Variants in RPS6KA2 observed in about 807,000 individuals in gnomAD.
The protein encoded by RPS6KA2 is ribosomal protein S6 kinase A2, also known as ribosomal protein S6 kinase alpha-2.
In RPS6KA2, 42 loss-of-function variants were observed where a neutral mutation model predicts 91.8. That is an observed-to-expected ratio of 0.46 (90% CI 0.36 to 0.59). The LOEUF is 0.59. Ranked by LOEUF, RPS6KA2 falls within the 20% of genes least tolerant of loss-of-function variation. RPS6KA2 has a pLI of 0.00. For synonymous variants in RPS6KA2, 414 were observed against 393.6 expected, an observed-to-expected ratio of 1.05 and a Z score of -0.61; for missense variants, 798 against 978.5, an observed-to-expected ratio of 0.82 and a Z score of 2.46.
intron 2 of RPS6KA2, among the ~76,000 whole-genome samples, chr6:166,695,564 G>A (rs1243736858): frequency 6.6e-6 from 1 of 152,230 alleles, no homozygotes; most frequent in Non-Finnish European, 1.5e-5. Flanking sequence ...CAGGTCCATG[G>A]CTTGTAGGAA....
chr6:166,486,993 T>A (rs1781436105), intron 10 of RPS6KA2, among the ~76,000 whole-genome samples: 1 of 152,256 alleles, frequency 6.6e-6, no homozygotes. Context: ...GGCTGTGGTG[T>A]GGACGTTTCA....
chr6:166,547,447 G>A (rs927393824), intron 1 of RPS6KA2, among the ~76,000 whole-genome samples: 8 of 152,252 alleles, frequency 5.3e-5, no homozygotes, highest in African/African-American at 1.4e-4. Context: ...CTGAGTGCCC[G>A]CTCTCCGGCA....
rs908226729 is a variant in RPS6KA2, at chr6:166,418,160, C to T, written c.1938+65G>A. 5 of 1,115,154 alleles carry T rather than the reference C, an allele frequency of 4.5e-6. No homozygotes were observed. Among genetic ancestry groups the T allele is most frequent in the Non-Finnish European group, 5.4e-6 (4 of 745,228 alleles). The allele number at this position is 1,115,154 out of a possible 1,614,324, so 69.1% of individuals were successfully genotyped here. On this transcript the variant is annotated intron_variant, in intron 19 of 20. Coordinates refer to ENST00000265678, the MANE Select transcript of RPS6KA2 (RefSeq NM_021135.6). The surrounding 1 kb of genome is among the most constrained non-coding windows in gnomAD (Gnocchi z 4.9). The stretch of plus-strand genomic sequence containing the variant: ...TACATAAAACCTATCCCCTGGCTTC[C>T]TCAGAAATCATATGGCTATTTCAGA...
intron 1 of RPS6KA2, among the ~76,000 whole-genome samples, chr6:166,541,810 A>G (rs1783665233): frequency 6.6e-6 from 1 of 152,228 alleles, no homozygotes; most frequent in Admixed American, 6.5e-5. Context: ...CTGTCAAAGT[A>G]TTGAGAGCAA....
chr6:166,707,958 G>A (rs112110657), intron 2 of RPS6KA2, among the ~76,000 whole-genome samples: 14 of 152,156 alleles, frequency 9.2e-5, no homozygotes, highest in Non-Finnish European at 1.0e-4. Context: ...TGCCTAGGCC[G>A]GTCTTGAACT....
chr6:166,850,592 G>C (rs1348662339), intron 2 of RPS6KA2, among the ~76,000 whole-genome samples: 1 of 152,216 alleles, frequency 6.6e-6, no homozygotes, highest in Non-Finnish European at 1.5e-5. Context: ...AAAGAGAGGA[G>C]AAAGGGTCTC....
chr6:166,554,107 T>G lies in RPS6KA2; in HGVS notation c.100-15323A>C, dbSNP rs1339166698. Among the ~76,000 whole-genome samples, 1 of 152,246 alleles carries G rather than the reference T, an allele frequency of 6.6e-6. No homozygotes were observed. Among genetic ancestry groups the G allele is most frequent in the African/African-American group, 2.4e-5 (1 of 41,470 alleles). Reference sequence around the variant, plus strand: ...GGCAAGAACATTTGGAATTTTCTAGTGCAGTTCTTGGTGCTGCCATCACTG... The same window carrying G: ...GGCAAGAACATTTGGAATTTTCTAGGGCAGTTCTTGGTGCTGCCATCACTG... On this transcript the variant is annotated intron_variant, in intron 1 of 20. Transcript: ENST00000265678. This position sits in a 1 kb window ranked among gnomAD's most constrained non-coding sequence, Gnocchi z 4.3.
intron 2 of RPS6KA2, among the ~76,000 whole-genome samples, chr6:166,744,048 G>A (rs183928666): frequency 1.2e-3 from 183 of 151,948 alleles, no homozygotes; most frequent in South Asian, 1.7e-3. Context: ...CATCCCACCC[G>A]TGTCTCAAAT....
At chr6:166,823,663 C>T (rs1333784179) in intron 2 of RPS6KA2, among the ~76,000 whole-genome samples, 1 of 151,814 alleles carries the variant, frequency 6.6e-6, no homozygotes, top group Non-Finnish European at 1.5e-5. Context: ...TAGTGTTATT[C>T]CCTCAACTTC....
At chr6:166,692,585 G>A (rs1384997207) in intron 2 of RPS6KA2, among the ~76,000 whole-genome samples, 1 of 152,010 alleles carries the variant, frequency 6.6e-6, no homozygotes, top group Non-Finnish European at 1.5e-5. Flanking sequence ...AAAATTGGAT[G>A]CTAAAAAAAC....
intron 2 of RPS6KA2, among the ~76,000 whole-genome samples, chr6:166,834,255 G>T (rs946485525): frequency 6.6e-6 from 1 of 152,026 alleles, no homozygotes; most frequent in Non-Finnish European, 1.5e-5. Flanking sequence ...AGTATCTCAC[G>T]GTGGTTTTAA....
chr6:166,414,581 G>A (rs16898909), intron 19 of RPS6KA2, among the ~76,000 whole-genome samples: 15,343 of 152,184 alleles, frequency 0.1, 2,459 homozygotes, highest in African/African-American at 0.34. Context: ...TTACATTTGC[G>A]GACAAACCTG....
At chr6:166,427,716 A>T (rs1778976528) in intron 16 of RPS6KA2, among the ~76,000 whole-genome samples, 1 of 152,194 alleles carries the variant, frequency 6.6e-6, no homozygotes, top group Non-Finnish European at 1.5e-5. Flanking sequence ...CTTCAAAGAG[A>T]ATAAAATACC....
chr6:166,488,783 G>A (rs372583874), intron 10 of RPS6KA2, 50 bp downstream of exon 10: 56 of 1,426,224 alleles, frequency 3.9e-5, no homozygotes, highest in Non-Finnish European at 4.3e-5. Context: ...TGTAGCTTGC[G>A]GGGCAGCGCC....
rs967317725 is a variant in RPS6KA2, at chr6:166,825,790, G to A, written c.123+32410C>T. Among the ~76,000 whole-genome samples, 2 of 152,032 alleles carry A rather than the reference G, an allele frequency of 1.3e-5. No homozygotes were observed. Among genetic ancestry groups the A allele is most frequent in the Non-Finnish European group, 2.9e-5 (2 of 68,000 alleles). On this transcript the variant is annotated intron_variant, in intron 2 of 21. Coordinates refer to the RPS6KA2 transcript ENST00000503859. This position sits in a 1 kb window ranked among gnomAD's most constrained non-coding sequence, Gnocchi z 4.1. The stretch of plus-strand genomic sequence containing the variant: ...CACCCTCATGAACCCATCATCTCCC[G>A]AGGCCCCACCTCCCAATACCATCAC...
chr6:166,725,837 C>T (rs1425849632), intron 2 of RPS6KA2, among the ~76,000 whole-genome samples: 1 of 152,220 alleles, frequency 6.6e-6, no homozygotes, highest in Non-Finnish European at 1.5e-5. Flanking sequence ...CCTGGCGGCG[C>T]AGGCCCAGAG....
At chr6:166,671,105 G>A (rs940350465) in intron 2 of RPS6KA2, among the ~76,000 whole-genome samples, 1 of 152,324 alleles carries the variant, frequency 6.6e-6, no homozygotes, top group Non-Finnish European at 1.5e-5. Context: ...GAGTCACCAT[G>A]CCTGGCCCCA....
rs76117082 is a variant in RPS6KA2, at chr6:166,626,122, C to G, written c.99+799G>C. Among the ~76,000 whole-genome samples the G allele has an allele frequency of 2.0e-3, 298 of 152,288 alleles. 1 individual carries two copies. Among genetic ancestry groups the G allele is most frequent in the African/African-American group, 6.9e-3 (287 of 41,550 alleles). The stretch of plus-strand genomic sequence containing the variant: ...TCACCATGTCTTTTTCACTTAAACA[C>G]GTTTCACTGTTTTGTCATCTATAGA... On this transcript the variant is annotated intron_variant, in intron 1 of 20. Coordinates refer to ENST00000265678, the MANE Select transcript of RPS6KA2 (RefSeq NM_021135.6). The surrounding 1 kb of genome is among the most constrained non-coding windows in gnomAD (Gnocchi z 4.1).
intron 2 of RPS6KA2, among the ~76,000 whole-genome samples, chr6:166,750,549 G>A (rs2128598559): frequency 6.6e-6 from 1 of 152,338 alleles, no homozygotes; most frequent in South Asian, 2.1e-4. Flanking sequence ...TGCCCTCCGT[G>A]CCTCTTCTGA....
Sources: gnomAD v4.1 joint callset for allele counts (sites outside exome capture counted in the v4.1 genomes callset) on GRCh38, gnomAD v4.1.1 for gene constraint, Gnocchi (gnomAD v3.1) non-coding constraint, MANE v1.5 for transcripts, NCBI Gene and HGNC (gene_info 2026-07-23, HGNC 2026-07-21) for gene names.